The following EML6 variants were observed in gnomAD, a reference collection of about 807,000 sequenced individuals.
The protein encoded by EML6 is echinoderm microtubule-associated protein-like 6.
In EML6, 154 loss-of-function variants were observed where a neutral mutation model predicts 240.1. That is an observed-to-expected ratio of 0.64 (90% CI 0.56 to 0.73). The LOEUF is 0.73. Ranked by LOEUF, EML6 falls within the 30% of genes least tolerant of loss-of-function variation. The probability of loss-of-function intolerance (pLI) is 0.00; values close to 1 mark genes in which losing one functional copy is unlikely to be tolerated. For missense variants in EML6, 2,964 were observed against 2,474.6 expected (o/e 1.20, Z -4.20); for synonymous variants, 1,148 against 899.0 (o/e 1.28, Z -4.95).
At chr2:54,836,689 C>T (rs1253710773) in intron 7 of EML6, among the ~76,000 whole-genome samples, 1 of 152,140 alleles carries the variant, frequency 6.6e-6, no homozygotes, top group Non-Finnish European at 1.5e-5. Flanking sequence ...GAGGTCTGGG[C>T]AGTCACACAG....
At chr2:54,873,533 C>G (rs1190629736) in intron 16 of EML6, among the ~76,000 whole-genome samples, 1 of 151,786 alleles carries the variant, frequency 6.6e-6, no homozygotes, top group South Asian at 2.1e-4. Context: ...GCAGTGAAAC[C>G]TAAAAGAAGC....
chr2:54,882,872 A>AAAAAAAAAAAAAAAAAAAAAAG (rs1345826141), intron 17 of EML6: 1 of 126,158 alleles, frequency 7.9e-6, no homozygotes, highest in South Asian at 2.7e-4. Context: ...AAAAAAAAAA[A>AAAAAAAAAAAAAAAAAAAAAAG]AAGAAAGCTT....
chr2:54,931,875 C>A (rs975867046), intron 28 of EML6, among the ~76,000 whole-genome samples: 1 of 152,208 alleles, frequency 6.6e-6, no homozygotes, highest in East Asian at 1.9e-4. Context: ...ATGACTGTAG[C>A]ACCTGTCGTA....
chr2:54,763,039 C>T (rs1668044353), intron 2 of EML6, among the ~76,000 whole-genome samples: 1 of 152,158 alleles, frequency 6.6e-6, no homozygotes, highest in Admixed American at 6.5e-5. Flanking sequence ...TACATTCTTC[C>T]TTGGTTTCTC....
At chr2:54,884,932 G>A (rs1462206144) in intron 17 of EML6, among the ~76,000 whole-genome samples, 1 of 152,146 alleles carries the variant, frequency 6.6e-6, no homozygotes, top group African/African-American at 2.4e-5. Flanking sequence ...CCAGCACTCT[G>A]GGAGGCTGAG....
Position 54,891,166 on chromosome 2 carries a change from T to A in EML6, c.2539+12T>A. 1 of 1,366,756 alleles carries A rather than the reference T, an allele frequency of 7.3e-7. No homozygotes were observed. The highest frequency in any genetic ancestry group is 1.0e-6 in the Non-Finnish European group (1 of 997,518). 84.7% of individuals were successfully genotyped at this position (1,366,756 alleles called of 1,614,324 possible). ...CTGGCAACAAGCAGGTACTGTCGTT[T>A]GGGTTTATCATTTATGTGATTGAGA... On this transcript the variant is annotated intron_variant, in intron 18 of 41. Coordinates refer to ENST00000356458, the MANE Select transcript of EML6 (RefSeq NM_001039753.4).
intron 2 of EML6, among the ~76,000 whole-genome samples, chr2:54,754,325 T>C (rs1027939582): frequency 7.9e-5 from 12 of 152,142 alleles, no homozygotes; most frequent in Middle Eastern, 3.4e-3. Flanking sequence ...TTTTCGTTCA[T>C]TGAGACACAT....
intron 2 of EML6, among the ~76,000 whole-genome samples, chr2:54,791,728 T>A (rs1161385077): frequency 1.3e-5 from 2 of 151,936 alleles, no homozygotes; most frequent in Non-Finnish European, 2.9e-5. Flanking sequence ...CAAAAAAAAA[T>A]GATACTGGAG....
intron 24 of EML6, among the ~76,000 whole-genome samples, chr2:54,907,363 C>T (rs764721020): frequency 1.1e-4 from 17 of 151,956 alleles, no homozygotes; most frequent in Non-Finnish European, 2.4e-4. Flanking sequence ...AAAAATCAGC[C>T]AGGTGTGGTG....
chr2:54,939,424 C>T (rs1675313074), intron 28 of EML6, among the ~76,000 whole-genome samples: 2 of 152,222 alleles, frequency 1.3e-5, no homozygotes, highest in South Asian at 2.1e-4. Context: ...GGCAACTCTC[C>T]TTTCTCTGTC....
At chr2:54,960,087 C>T in intron 34 of EML6, 133 bp from the exon 35 acceptor site, 2 of 671,194 alleles carry the variant, frequency 3.0e-6, no homozygotes, top group Admixed American at 2.3e-5. Flanking sequence ...AGGGTCTGGA[C>T]CCTGGAGGGT....
At chr2:54,859,273 G>A (rs771710663) in intron 11 of EML6, among the ~76,000 whole-genome samples, 17 of 152,200 alleles carry the variant, frequency 1.1e-4, no homozygotes, top group Non-Finnish European at 1.9e-4. Flanking sequence ...CAGTGAAGCA[G>A]TAGGCATTAT....
At chr2:54,934,262 G>C (rs1330886146) in intron 28 of EML6, among the ~76,000 whole-genome samples, 1 of 152,120 alleles carries the variant, frequency 6.6e-6, no homozygotes. Context: ...AGTGTCCCAG[G>C]TTCCTACTGG....
At chr2:54,789,149 TAAAC>T (rs1669255098) in intron 2 of EML6, among the ~76,000 whole-genome samples, 1 of 152,242 alleles carries the variant, frequency 6.6e-6, no homozygotes, top group Non-Finnish European at 1.5e-5. Context: ...GATACTTGCG[TAAAC>T]AAACAAAAAC....
chr2:54,754,570 AT>A (rs1684318686), intron 2 of EML6, among the ~76,000 whole-genome samples: 1 of 152,152 alleles, frequency 6.6e-6, no homozygotes, highest in Non-Finnish European at 1.5e-5. Flanking sequence ...AGTTATTTAT[AT>A]ATACTGGATA....
intron 2 of EML6, among the ~76,000 whole-genome samples, chr2:54,793,539 G>A (rs949612207): frequency 7.2e-5 from 11 of 151,954 alleles, no homozygotes; most frequent in Non-Finnish European, 1.3e-4. Context: ...AAATCCTGTC[G>A]AACTTCCTCA....
In EML6 at chr2:54,960,209, A is replaced by T; in HGVS notation, c.4854-11A>T. 6.5e-7 allele frequency: 1 copy of T among 1,543,226 alleles called. No homozygotes were observed. The highest frequency in any genetic ancestry group is 8.8e-7 in the Non-Finnish European group (1 of 1,139,488). ...GGGTTAACAGCCTGAGTCCCTTTCA[A>T]TCTTTTTTAGGACCAAAGAAGGAGG... On this transcript the variant is annotated splice_polypyrimidine_tract_variant and intron_variant, in intron 34 of 41. Coordinates refer to ENST00000356458, the MANE Select transcript of EML6 (RefSeq NM_001039753.4).
At chr2:54,812,542 C>G (rs568223530) in intron 2 of EML6, among the ~76,000 whole-genome samples, 2 of 150,480 alleles carry the variant, frequency 1.3e-5, no homozygotes, top group Admixed American at 1.3e-4. Flanking sequence ...TTTTTTTAAT[C>G]TAGGAAAAAT....
At chr2:54,888,889 T>C (rs1227918485) in intron 17 of EML6, among the ~76,000 whole-genome samples, 1 of 152,208 alleles carries the variant, frequency 6.6e-6, no homozygotes. Flanking sequence ...AGGAATGTAA[T>C]TGCTGGTCGT....
Sources: gnomAD v4.1 joint callset for allele counts (sites outside exome capture counted in the v4.1 genomes callset) on GRCh38, gnomAD v4.1.1 for gene constraint, MANE v1.5 for transcripts, NCBI Gene and HGNC (gene_info 2026-07-23, HGNC 2026-07-21) for gene names.